NEBL: variants seen among roughly 807,000 people sequenced by gnomAD.
NEBL encodes nebulette, also known as LIM and SH3 protein 2.
NEBL carries 122 observed loss-of-function variants against 140.2 expected under a neutral mutation model. That is an observed-to-expected ratio of 0.87 (90% confidence interval 0.75 to 1.01). The LOEUF is 1.01. NEBL is among the 50% of genes least tolerant of loss of function. The probability of loss-of-function intolerance (pLI) is 0.00; values close to 1 mark genes in which losing one functional copy is unlikely to be tolerated. For missense variants in NEBL, 1,365 were observed against 1,231.3 expected (o/e 1.11, Z -1.62); for synonymous variants, 436 against 398.9 (o/e 1.09, Z -1.11).
At chr10:20,821,123 G>T (rs1193036944) in intron 19 of NEBL, among the ~76,000 whole-genome samples, 1 of 152,124 alleles carries the variant, frequency 6.6e-6, no homozygotes, top group Non-Finnish European at 1.5e-5. Flanking sequence ...GCTCAAAGGG[G>T]TTACATCTGA....
At chr10:21,203,239 ATC>A (rs943561190) in intron 3 of NEBL, among the ~76,000 whole-genome samples, 1 of 152,146 alleles carries the variant, frequency 6.6e-6, no homozygotes. Context: ...TCACCAAATC[ATC>A]TCTCTCTCTC....
rs1839903895 is a variant in NEBL, at chr10:20,826,630, T to C, written c.1777-91A>G. Reference sequence around the variant, plus strand: ...TAGAAAGACAATTTCTCAGGTTTTATAATAATATGAATACTGCATCTATTT... The same window carrying C: ...TAGAAAGACAATTTCTCAGGTTTTACAATAATATGAATACTGCATCTATTT... On this transcript the variant is annotated intron_variant, in intron 17 of 27. Coordinates refer to ENST00000377122, the MANE Select transcript of NEBL (RefSeq NM_006393.3). 3.2e-6 allele frequency: 3 copies of C among 946,500 alleles called. No individual in the cohort carries two copies. In the South Asian group the frequency reaches 4.0e-5, roughly 13 times the overall value. The allele number at this position is 946,500 out of a possible 1,614,324, so 58.6% of individuals were successfully genotyped here.
upstream of NEBL, among the ~76,000 whole-genome samples, chr10:20,902,003 A>C (rs1383382639): frequency 6.6e-6 from 1 of 152,226 alleles, no homozygotes; most frequent in African/African-American, 2.4e-5. Flanking sequence ...ATTCATGAAC[A>C]TATTTTCTCC....
chr10:20,954,725 G>GC (rs1835698044), intron 4 of NEBL, among the ~76,000 whole-genome samples: 1 of 151,816 alleles, frequency 6.6e-6, no homozygotes, highest in African/African-American at 2.4e-5. Flanking sequence ...CCACCACCCC[G>GC]CCCCCTCTGC....
chr10:21,116,119 T>C (rs953089176), intron 2 of NEBL, among the ~76,000 whole-genome samples: 1 of 152,104 alleles, frequency 6.6e-6, no homozygotes, highest in African/African-American at 2.4e-5. Context: ...TTTTTTCCTC[T>C]ACATACTTGA....
intron 4 of NEBL, among the ~76,000 whole-genome samples, chr10:20,950,642 G>C (rs1432460936): frequency 6.6e-6 from 1 of 152,152 alleles, no homozygotes; most frequent in African/African-American, 2.4e-5. Flanking sequence ...TACGTGTCAG[G>C]TAACTGTGAA....
At chr10:21,206,415 G>A (rs1156341120) in intron 3 of NEBL, among the ~76,000 whole-genome samples, 1 of 152,170 alleles carries the variant, frequency 6.6e-6, no homozygotes, top group Admixed American at 6.5e-5. Context: ...CCTTTTACAT[G>A]CTTGTCACAT....
At chr10:20,888,403 G>A (rs752692323) in intron 3 of NEBL, among the ~76,000 whole-genome samples, 196 bp from the exon 4 acceptor site, 1 of 152,164 alleles carries the variant, frequency 6.6e-6, no homozygotes, top group Admixed American at 6.5e-5. Context: ...ATTTATCATA[G>A]AGAACGCTTT....
intron 3 of NEBL, among the ~76,000 whole-genome samples, chr10:21,003,277 C>T (rs1837985182): frequency 6.6e-6 from 1 of 152,166 alleles, no homozygotes; most frequent in Non-Finnish European, 1.5e-5. Context: ...GCCTGACCTC[C>T]CACGCCATGC....
intron 26 of NEBL, among the ~76,000 whole-genome samples, chr10:20,798,572 G>A (rs147727818): frequency 1.8e-4 from 27 of 152,208 alleles, no homozygotes; most frequent in African/African-American, 6.3e-4. Flanking sequence ...TCAACCATCC[G>A]ATAAGCAGGA....
chr10:20,865,919 T>C (rs1844234720), intron 7 of NEBL, among the ~76,000 whole-genome samples: 1 of 152,150 alleles, frequency 6.6e-6, no homozygotes, highest in African/African-American at 2.4e-5. Flanking sequence ...CTGATCACTT[T>C]ATGTGTAGAT....
chr10:21,291,786 A>G (rs1206117373), intron 1 of NEBL, among the ~76,000 whole-genome samples: 5 of 151,854 alleles, frequency 3.3e-5, no homozygotes, highest in Admixed American at 6.6e-5. Flanking sequence ...GTGGTGGTGG[A>G]CGCCTGTAAT....
In NEBL at chr10:21,073,337, C is replaced by T. The variant is rs187813167; in HGVS notation, c.165-53136G>A. ...GACCCTGTCTCAAAAAAAAAAAAAGCCAGACACGGTGGCTCATGCCTGTAA... is the reference window on the plus strand; with the variant it reads ...GACCCTGTCTCAAAAAAAAAAAAAGTCAGACACGGTGGCTCATGCCTGTAA... On this transcript the variant is annotated intron_variant, in intron 2 of 6. Coordinates refer to the NEBL transcript ENST00000417816. 4.0e-5 allele frequency among the ~76,000 whole-genome samples: 6 copies of T among 148,414 alleles called. No individual in the cohort carries two copies. The East Asian group carries it at 1.2e-3, about 29-fold the overall frequency.
intron 2 of NEBL, chr10:21,028,919 T>A (rs781129203): frequency 1.3e-4 from 58 of 456,348 alleles, no homozygotes; most frequent in Non-Finnish European, 1.9e-4. Flanking sequence ...GTCATATTTT[T>A]AAATTCCACT....
Position 21,182,650 on chromosome 10 carries a change from A to G in NEBL, n.349-10173T>C, listed in dbSNP as rs186324537. Among the ~76,000 whole-genome samples the G allele has an allele frequency of 3.9e-5, 6 of 152,248 alleles. No individual in the cohort carries two copies. In the East Asian group the frequency reaches 1.2e-3, roughly 29 times the overall value. The stretch of plus-strand genomic sequence containing the variant: ...ACTAGAAAACTGCAAGTTCTGAGGA[A>G]TAGTCCAAAGATCCACACATGTGTT... On this transcript the variant is annotated intron_variant and non_coding_transcript_variant, in intron 3 of 8. Transcript: ENST00000675702.
At chr10:21,067,261 G>A (rs745702061) in intron 2 of NEBL, among the ~76,000 whole-genome samples, 43 of 152,062 alleles carry the variant, frequency 2.8e-4, no homozygotes, top group Non-Finnish European at 5.1e-4. Context: ...GTGAGCCACC[G>A]CGCCCAGCCG....
At chr10:20,812,993 C>A (rs1838330600) in intron 23 of NEBL, 53 bp from the exon 24 acceptor site, 2 of 1,471,128 alleles carry the variant, frequency 1.4e-6, no homozygotes, top group Non-Finnish European at 9.5e-7. Flanking sequence ...ACCTCTTTCA[C>A]AACATTTTTA....
chr10:21,082,163 C>G (rs539146971), intron 2 of NEBL, among the ~76,000 whole-genome samples: 5 of 152,088 alleles, frequency 3.3e-5, no homozygotes, highest in African/African-American at 1.2e-4. Context: ...TCAAAAGAGT[C>G]GTGAAAGTCA....
chr10:21,024,068 GAAA>G (rs5783760), intron 2 of NEBL, among the ~76,000 whole-genome samples: 10 of 133,090 alleles, frequency 7.5e-5, no homozygotes, highest in African/African-American at 2.1e-4. Context: ...TTACTCTGGG[GAAA>G]AAAAAAAAAA....
Sources: gnomAD v4.1 joint callset for allele counts (sites outside exome capture counted in the v4.1 genomes callset) on GRCh38, gnomAD v4.1.1 for gene constraint, MANE v1.5 for transcripts, NCBI Gene and HGNC (gene_info 2026-07-23, HGNC 2026-07-21) for gene names.